The following WWOX variants were observed in gnomAD, a reference collection of about 807,000 sequenced individuals.
WWOX encodes WW domain containing oxidoreductase.
Under a neutral mutation model 46.2 loss-of-function variants are expected in WWOX, and 69 were observed. The observed-to-expected ratio is 1.49, with a 90% confidence interval of 1.23 to 1.82. WWOX has a LOEUF of 1.82. Among genes scored for constraint, WWOX ranks in the 40% most tolerant of loss-of-function variants. The pLI is 0.00. For missense variants in WWOX, 919 were observed against 542.6 expected (o/e 1.69, Z -6.89); for synonymous variants, 359 against 202.6 (o/e 1.77, Z -6.56).
At chr16:79,185,041 C>T (rs1056880281) in intron 8 of WWOX, among the ~76,000 whole-genome samples, 5 of 152,176 alleles carry the variant, frequency 3.3e-5, no homozygotes, top group African/African-American at 1.2e-4. Flanking sequence ...TTGATTAACG[C>T]TCACCTTCTG....
intron 8 of WWOX, among the ~76,000 whole-genome samples, chr16:78,842,241 C>G (rs1597705896): frequency 2.0e-5 from 3 of 151,578 alleles, no homozygotes; most frequent in East Asian, 1.9e-4. Context: ...CTCCTGTAAT[C>G]TCAGCCCTTT....
intron 8 of WWOX, among the ~76,000 whole-genome samples, chr16:79,057,245 T>G (rs1245253412): frequency 1.3e-5 from 2 of 152,164 alleles, no homozygotes; most frequent in Non-Finnish European, 2.9e-5. Context: ...ACATCACCAG[T>G]CTTCCAATGG....
At chr16:78,777,472 T>C (rs1218672122) in intron 8 of WWOX, among the ~76,000 whole-genome samples, 1 of 151,950 alleles carries the variant, frequency 6.6e-6, no homozygotes, top group Admixed American at 6.6e-5. Context: ...AAGCACAGAG[T>C]AGACATTGCA....
At chr16:78,734,840 CCTTTTTTTTTTTTTTTTT>C (rs1165581724) in intron 8 of WWOX, among the ~76,000 whole-genome samples, 6 of 61,698 alleles carry the variant, frequency 9.7e-5, no homozygotes, top group Non-Finnish European at 1.7e-4. Flanking sequence ...GGACTTCAGT[CCTTTTTTTTTTTTTTTTT>C]TTTTTTTTTT....
At chr16:78,399,107 T>C (rs569619385) in intron 6 of WWOX, among the ~76,000 whole-genome samples, 273 of 151,154 alleles carry the variant, frequency 1.8e-3, no homozygotes, top group African/African-American at 6.5e-3. Context: ...TGGAAGGGGA[T>C]GCAAGAGGTA....
At chr16:78,152,511 T>G (rs1234853580) in intron 4 of WWOX, among the ~76,000 whole-genome samples, 1 of 152,152 alleles carries the variant, frequency 6.6e-6, no homozygotes, top group African/African-American at 2.4e-5. Context: ...CCCCCATCCC[T>G]CATTAATCTA....
intron 5 of WWOX, among the ~76,000 whole-genome samples, chr16:78,376,750 C>G (rs1221774828): frequency 6.6e-6 from 1 of 152,158 alleles, no homozygotes; most frequent in Non-Finnish European, 1.5e-5. Context: ...TAGCAGATGT[C>G]TGCTAGCAGT....
rs1044393899 is a variant in WWOX at position 78,131,835 on chromosome 16, C to T, written c.409+16681C>T. On this transcript the variant is annotated intron_variant, in intron 4 of 8. Transcript: ENST00000566780. ...TCCTGACCTCGTGATCCTCCTACGT[C>T]GGCCTCCCAAAGTGCTGGGATTACA... Among the ~76,000 whole-genome samples the T allele has an allele frequency of 6.6e-5, 10 of 151,672 alleles. No individual in the cohort carries two copies. The South Asian group carries it at 8.3e-4, about 13-fold the overall frequency.
At chr16:78,791,018 CAAAAAAAAAAAA>C (rs775592585) in intron 8 of WWOX, among the ~76,000 whole-genome samples, 3 of 62,454 alleles carry the variant, frequency 4.8e-5, no homozygotes, top group Non-Finnish European at 8.5e-5. Flanking sequence ...GACCCTGTCT[CAAAAAAAAAAAA>C]AAAAAAAAAA....
intron 8 of WWOX, among the ~76,000 whole-genome samples, chr16:78,476,375 A>G (rs1384717631): frequency 1.3e-5 from 2 of 152,142 alleles, no homozygotes; most frequent in Admixed American, 6.5e-5. Context: ...CAAACACCGC[A>G]TGTTCTCACT....
chr16:78,329,156 C>T (rs2080702451), intron 5 of WWOX, among the ~76,000 whole-genome samples: 1 of 152,152 alleles, frequency 6.6e-6, no homozygotes, highest in Admixed American at 6.6e-5. Context: ...CTACCGCACC[C>T]AGCCTGCTGA....
chr16:78,372,009 A>G (rs2081701554), intron 5 of WWOX, among the ~76,000 whole-genome samples: 1 of 152,164 alleles, frequency 6.6e-6, no homozygotes, highest in African/African-American at 2.4e-5. Context: ...CTAGGCCTTG[A>G]AGAAGTGTAC....
At chr16:79,104,952 CA>C (rs1185899797) in intron 8 of WWOX, among the ~76,000 whole-genome samples, 1 of 152,156 alleles carries the variant, frequency 6.6e-6, no homozygotes, top group African/African-American at 2.4e-5. Context: ...CGTTAGGGGT[CA>C]GGGGGAGGGT....
chr16:78,449,316 C>T (rs569167881), intron 8 of WWOX, among the ~76,000 whole-genome samples: 21 of 152,326 alleles, frequency 1.4e-4, no homozygotes, highest in Admixed American at 6.5e-4. Flanking sequence ...TGACGTCTTA[C>T]TGCTTTTGCC....
intron 8 of WWOX, among the ~76,000 whole-genome samples, chr16:78,547,332 C>T (rs906309114): frequency 5.3e-5 from 8 of 151,872 alleles, no homozygotes; most frequent in Admixed American, 3.9e-4. Context: ...CCCCAATTTA[C>T]AGATGAAAAA....
chr16:78,340,340 G>A (rs1247979147), intron 5 of WWOX, among the ~76,000 whole-genome samples: 2 of 117,678 alleles, frequency 1.7e-5, no homozygotes, highest in African/African-American at 5.8e-5. Flanking sequence ...GGGACTACAT[G>A]TGCGTGTCAC....
chr16:78,448,637 A>C (rs936156553), intron 8 of WWOX, among the ~76,000 whole-genome samples: 1 of 152,198 alleles, frequency 6.6e-6, no homozygotes, highest in African/African-American at 2.4e-5. Flanking sequence ...CAAATTCACA[A>C]ATCAGCTTCT....
At chr16:78,885,629 G>C (rs1448471506) in intron 8 of WWOX, among the ~76,000 whole-genome samples, 4 of 152,142 alleles carry the variant, frequency 2.6e-5, no homozygotes, top group Admixed American at 6.6e-5. Flanking sequence ...TGATTTATTT[G>C]AGCAAGTTGC....
intron 8 of WWOX, among the ~76,000 whole-genome samples, chr16:78,716,483 G>C (rs979676709): frequency 6.6e-6 from 1 of 152,130 alleles, no homozygotes; most frequent in Non-Finnish European, 1.5e-5. Context: ...GTGTTATTTG[G>C]CAGAGGAAGA....
Sources: allele counts gnomAD v4.1 joint callset (sites outside exome capture counted in the v4.1 genomes callset), GRCh38; gene constraint gnomAD v4.1.1; transcripts MANE v1.5; gene names NCBI Gene and HGNC (gene_info 2026-07-23, HGNC 2026-07-21).